FBXO10: variants seen among roughly 807,000 people sequenced by gnomAD.
The protein encoded by FBXO10 is F-box only protein 10.
In FBXO10, 39 loss-of-function variants were observed where a neutral mutation model predicts 80.7. The observed-to-expected ratio is 0.48, with a 90% CI of 0.37 to 0.63. The LOEUF (loss-of-function observed/expected upper bound fraction) is 0.63, where lower values mean the gene tolerates loss of function less well. FBXO10 is among the 30% of genes least tolerant of loss of function. The pLI, the probability that FBXO10 is intolerant of heterozygous loss-of-function variation, is 0.00. For synonymous variants in FBXO10, 449 were observed against 489.6 expected (o/e 0.92, Z 1.09); for missense variants, 1,025 against 1,269.0 (o/e 0.81, Z 2.92).
intron 5 of FBXO10, among the ~76,000 whole-genome samples, chr9:37,526,821 TTTTATTTATTTATTTATTTATTTA>T (rs57803639): frequency 5.0e-5 from 7 of 139,750 alleles, no homozygotes; most frequent in Non-Finnish European, 1.1e-4. Flanking sequence ...TTTTAAAATA[TTTTATTTATTTATTTATTTATTTA>T]TTTATTTATT....
At chr9:37,569,215 T>C (rs1181036474) in intron 1 of FBXO10, among the ~76,000 whole-genome samples, 6 of 151,478 alleles carry the variant, frequency 4.0e-5, no homozygotes. Flanking sequence ...AAAAATACCT[T>C]GTGTAGATTT....
In FBXO10 at chr9:37,537,898, C is replaced by CGTT. The variant is rs774509811; in HGVS notation, c.628_630dup (p.Asn210dup). 5.6e-6 allele frequency: 9 copies of CGTT among 1,613,688 alleles called. No homozygotes were observed. In the Admixed American group the frequency reaches 1.5e-4, roughly 27 times the overall value. ...CCCGGGCCATGGACCTGGATGTGCC[C>CGTT]GTTCTCAAAGTTGCAGTTGTCAAAC... On this transcript the variant is annotated inframe_insertion, in exon 3 of 11. Transcript: ENST00000432825.
Position 37,522,882 on chromosome 9 carries a change from CTGAA to C in FBXO10, c.1869_1872del (p.Tyr623Ter). ...CCTTCGTCTCCCACAACCACACCATCTGAATAGCCAAAGCAGATGAGGTTACTCC... is the reference window on the plus strand; with the variant it reads ...CCTTCGTCTCCCACAACCACACCATCTAGCCAAAGCAGATGAGGTTACTCC... On this transcript the variant is annotated frameshift_variant, in exon 7 of 11. Transcript: ENST00000432825. LOFTEE classifies it high-confidence loss of function. The C allele has an allele frequency of 6.4e-7, 1 of 1,560,240 alleles. No individual in the cohort carries two copies. The highest frequency in any genetic ancestry group is 8.7e-7 in the Non-Finnish European group (1 of 1,152,080).
chr9:37,523,552 C>CA (rs932239935), intron 6 of FBXO10, among the ~76,000 whole-genome samples: 149 of 151,408 alleles, frequency 9.8e-4, no homozygotes, highest in Middle Eastern at 3.4e-3. Flanking sequence ...GACCCTGCCT[C>CA]AAAAAAAAGA....
In FBXO10 at chr9:37,518,146, C is replaced by CG; in HGVS notation, c.2492_2493insC (p.Leu832AlafsTer7). 1.2e-6 allele frequency: 2 copies of CG among 1,613,416 alleles called. No homozygotes were observed. The highest frequency in any genetic ancestry group is 8.5e-7 in the Non-Finnish European group (1 of 1,179,556). The stretch of plus-strand genomic sequence containing the variant: ...TCACTTTAGTGTCGGACCTGGGCAG[C>CG]AGCTGCAGCCCGCTGCCCCGGTTGC... On this transcript the variant is annotated frameshift_variant, in exon 9 of 11. Coordinates refer to ENST00000432825, the MANE Select transcript of FBXO10 (RefSeq NM_012166.3). LOFTEE classifies it high-confidence loss of function.
chr9:37,529,353 AAC>A, intron 4 of FBXO10, 93 bp from the exon 5 acceptor site: 5 of 1,375,516 alleles, frequency 3.6e-6, no homozygotes, highest in Non-Finnish European at 5.0e-6. Flanking sequence ...CGGCAGGATG[AAC>A]ACAGTGGAGA....
intron 1 of FBXO10, among the ~76,000 whole-genome samples, chr9:37,566,458 G>GAAA (rs1563891214): frequency 1.3e-4 from 5 of 37,950 alleles, no homozygotes; most frequent in African/African-American, 3.9e-4. Context: ...ACTCTGTCTC[G>GAAA]GAAAAAAAAA....
rs757254419 is a variant in FBXO10 at position 37,529,114 on chromosome 9, C to A, written c.1706+10G>T. On this transcript the variant is annotated intron_variant, in intron 5 of 10. Transcript: ENST00000432825. ...TAACAAAGATGAAGGAGGGAAACAGCAGCACACACCTCACAACGGGGTTTC... is the reference window on the plus strand; with the variant it reads ...TAACAAAGATGAAGGAGGGAAACAGAAGCACACACCTCACAACGGGGTTTC... 1 of 1,613,684 alleles carries A rather than the reference C, an allele frequency of 6.2e-7. No individual in the cohort carries two copies. The highest frequency in any genetic ancestry group is 1.3e-5 in the African/African-American group (1 of 74,918).
At chr9:37,562,276 T>C (rs1333511135) in intron 1 of FBXO10, among the ~76,000 whole-genome samples, 2 of 152,182 alleles carry the variant, frequency 1.3e-5, no homozygotes, top group African/African-American at 2.4e-5. Context: ...CGCTTTGGTA[T>C]TAACAGTTGA....
chr9:37,550,533 T>A (rs1588849939), intron 1 of FBXO10, among the ~76,000 whole-genome samples: 1 of 148,810 alleles, frequency 6.7e-6, no homozygotes, highest in Admixed American at 6.8e-5. Context: ...CAGGCTGGAG[T>A]GCAGTGGCGC....
intron 1 of FBXO10, among the ~76,000 whole-genome samples, chr9:37,571,714 CAT>C (rs71494672): frequency 0.069 from 6,446 of 92,924 alleles, 272 homozygotes; most frequent in African/African-American, 0.12. Flanking sequence ...AAAAGAGAGC[CAT>C]ATATATATAT....
At chr9:37,515,835 T>G in intron 10 of FBXO10, 69 bp downstream of exon 10, 1 of 1,515,250 alleles carries the variant, frequency 6.6e-7, no homozygotes, top group Non-Finnish European at 9.0e-7. Context: ...TCCCTGGGTG[T>G]GGGCCTGGCT....
At chr9:37,524,392 C>T (rs370528287) in intron 6 of FBXO10, among the ~76,000 whole-genome samples, 2 of 152,216 alleles carry the variant, frequency 1.3e-5, no homozygotes, top group East Asian at 3.8e-4. Flanking sequence ...CAGCCTCGTT[C>T]ACTGCTGCAC....
In FBXO10 at chr9:37,516,975, C is replaced by CA. The variant is rs1365196405; in HGVS notation, c.2515-891dup. Among the ~76,000 whole-genome samples the CA allele has an allele frequency of 4.1e-3, 508 of 124,624 alleles. 5 individuals carry two copies. The highest frequency in any genetic ancestry group is 0.015 in the African/African-American group (457 of 31,468). 81.8% of individuals were successfully genotyped at this position (124,624 alleles called of 152,430 possible). Reference sequence around the variant, plus strand: ...AACTCCATCTCAAAAAAAAAAAAAACAAAAAAAAGGTGGTATATATATACC... The same window carrying CA: ...AACTCCATCTCAAAAAAAAAAAAAACAAAAAAAAAGGTGGTATATATATACC... On this transcript the variant is annotated intron_variant, in intron 9 of 10. Transcript: ENST00000432825.
intron 1 of FBXO10, among the ~76,000 whole-genome samples, chr9:37,544,631 AT>A (rs1822005969): frequency 1.3e-5 from 2 of 152,198 alleles, no homozygotes; most frequent in South Asian, 4.2e-4. Flanking sequence ...CGTGGCTTTA[AT>A]TCTGCAGATT....
chr9:37,557,441 G>A (rs1822364876), intron 1 of FBXO10, among the ~76,000 whole-genome samples: 1 of 152,188 alleles, frequency 6.6e-6, no homozygotes, highest in African/African-American at 2.4e-5. Context: ...ATTCTCATGA[G>A]GAAGGAGCTC....
chr9:37,558,786 C>T (rs1373544525), intron 1 of FBXO10, among the ~76,000 whole-genome samples: 1 of 151,528 alleles, frequency 6.6e-6, no homozygotes, highest in African/African-American at 2.4e-5. Context: ...ACTACTGCAG[C>T]TTATAGAGAT....
intron 1 of FBXO10, among the ~76,000 whole-genome samples, chr9:37,551,494 G>A (rs1822197747): frequency 6.6e-6 from 1 of 152,234 alleles, no homozygotes; most frequent in African/African-American, 2.4e-5. Flanking sequence ...AGCCCCACGG[G>A]GATAGCACCA....
intron 6 of FBXO10, among the ~76,000 whole-genome samples, chr9:37,524,768 G>A (rs373606249): frequency 6.6e-6 from 1 of 152,216 alleles, no homozygotes; most frequent in Non-Finnish European, 1.5e-5. Flanking sequence ...TAGCCGGGCG[G>A]AGGTTTCCAG....
Sources: allele counts gnomAD v4.1 joint callset (sites outside exome capture counted in the v4.1 genomes callset), GRCh38; gene constraint gnomAD v4.1.1; transcripts MANE v1.5; gene names NCBI Gene and HGNC (gene_info 2026-07-23, HGNC 2026-07-21).